Variants in PDE8A observed in about 807,000 individuals in gnomAD.
PDE8A encodes high affinity cAMP-specific and IBMX-insensitive 3',5'-cyclic phosphodiesterase 8A.
PDE8A carries 59 observed loss-of-function variants against 105.0 expected under a neutral mutation model. The observed-to-expected ratio is 0.56, with a 90% CI of 0.46 to 0.70. The LOEUF is 0.70. Among genes scored for constraint, PDE8A ranks in the 30% least tolerant of loss-of-function variants. PDE8A has a pLI of 0.00. For synonymous variants in PDE8A, 355 were observed against 371.9 expected, an observed-to-expected ratio of 0.95 and a Z score of 0.52; for missense variants, 1,014 against 1,045.9, an observed-to-expected ratio of 0.97 and a Z score of 0.42.
intron 18 of PDE8A, 32 bp downstream of exon 18, chr15:85,121,046 CCTCT>C (rs748413631): frequency 1.5e-6 from 2 of 1,345,520 alleles, no homozygotes; most frequent in South Asian, 1.3e-5. Context: ...TGTGTTGATC[CCTCT>C]CTTTCTTTTT....
intron 6 of PDE8A, among the ~76,000 whole-genome samples, chr15:85,088,023 G>A (rs1459075937): frequency 6.6e-6 from 1 of 152,152 alleles, no homozygotes; most frequent in African/African-American, 2.4e-5. Context: ...TTGTGCTTCA[G>A]TCATCACAAT....
intron 5 of PDE8A, among the ~76,000 whole-genome samples, chr15:85,079,130 T>G (rs148428043): frequency 6.6e-6 from 1 of 152,340 alleles, no homozygotes; most frequent in East Asian, 1.9e-4. Flanking sequence ...CCCACACTTA[T>G]GCATATATGT....
intron 19 of PDE8A, 55 bp from the exon 20 acceptor site, chr15:85,126,152 G>T (rs1014089556): frequency 7.5e-7 from 1 of 1,339,374 alleles, no homozygotes; most frequent in East Asian, 2.4e-5. Flanking sequence ...CAGTAAGAGA[G>T]GGCTTGGCAC....
chr15:85,027,114 G>A lies in PDE8A; in HGVS notation c.187-37256G>A, dbSNP rs557009568. On this transcript the variant is annotated intron_variant, in intron 1 of 21. Coordinates refer to ENST00000394553, the MANE Select transcript of PDE8A (RefSeq NM_002605.3). ...GCCTGTAAGAACAAAAAGTCCTTTG[G>A]GACCTGTTTTCTTTGCCCTCCAGGA... Among the ~76,000 whole-genome samples the A allele has an allele frequency of 3.3e-5, 5 of 152,222 alleles. No homozygotes were observed. The East Asian group carries it at 9.7e-4, about 29-fold the overall frequency.
chr15:85,004,289 A>C (rs376637988), intron 1 of PDE8A, among the ~76,000 whole-genome samples: 4 of 152,158 alleles, frequency 2.6e-5, no homozygotes, highest in Non-Finnish European at 5.9e-5. Flanking sequence ...TGGTTCAGTA[A>C]TAGATACATA....
intron 1 of PDE8A, among the ~76,000 whole-genome samples, chr15:85,060,184 G>A (rs2081121800): frequency 6.6e-6 from 1 of 151,896 alleles, no homozygotes; most frequent in Admixed American, 6.6e-5. Flanking sequence ...TTCCCTTTGT[G>A]TATATTCTGT....
At chr15:85,088,460 G>A (rs1028546159) in intron 6 of PDE8A, among the ~76,000 whole-genome samples, 2 of 152,236 alleles carry the variant, frequency 1.3e-5, no homozygotes, top group African/African-American at 2.4e-5. Context: ...TTTTATGTCT[G>A]CATAATATTC....
In PDE8A at chr15:85,120,627, T is replaced by A; in HGVS notation, c.1735-170T>A. The A allele has an allele frequency of 5.4e-6, 3 of 558,718 alleles. No individual in the cohort carries two copies. In the South Asian group the frequency reaches 7.6e-5, roughly 14 times the overall value. 34.6% of individuals were successfully genotyped at this position (558,718 alleles called of 1,614,324 possible). A position where few individuals can be genotyped will look rare whatever the true frequency, so the allele number is the denominator to read the frequency against. On this transcript the variant is annotated intron_variant, in intron 17 of 21. Transcript: ENST00000394553. ...TGAGACTAACAAATATGCAGAAATATAACTGTTTCAGGGTGGAGATAGGAA... is the reference window on the plus strand; with the variant it reads ...TGAGACTAACAAATATGCAGAAATAAAACTGTTTCAGGGTGGAGATAGGAA...
intron 1 of PDE8A, among the ~76,000 whole-genome samples, chr15:85,029,988 C>G (rs555555388): frequency 5.9e-5 from 9 of 152,276 alleles, no homozygotes; most frequent in Non-Finnish European, 8.8e-5. Context: ...TGCGTCTGCT[C>G]TGTTCTAAAG....
At chr15:85,133,861 T>C (rs566579089) in intron 20 of PDE8A, among the ~76,000 whole-genome samples, 16 of 152,348 alleles carry the variant, frequency 1.1e-4, no homozygotes, top group Admixed American at 3.3e-4. Context: ...CTGGTTTGTC[T>C]CTGGCTGGGG....
chr15:85,037,706 G>A (rs1464179015), intron 1 of PDE8A, among the ~76,000 whole-genome samples: 1 of 152,152 alleles, frequency 6.6e-6, no homozygotes, highest in Non-Finnish European at 1.5e-5. Flanking sequence ...GACTGGTGTG[G>A]CTGTGTTCTT....
chr15:85,092,498 C>G (rs1596510128), intron 8 of PDE8A, among the ~76,000 whole-genome samples: 1 of 151,930 alleles, frequency 6.6e-6, no homozygotes, highest in Non-Finnish European at 1.5e-5. Flanking sequence ...AGAAGGAGGC[C>G]ACAGAGCAGC....
At chr15:85,104,377 G>A (rs201649738) in intron 11 of PDE8A, among the ~76,000 whole-genome samples, 2 of 152,138 alleles carry the variant, frequency 1.3e-5, no homozygotes, top group East Asian at 1.9e-4. Flanking sequence ...ATCGCGAAGC[G>A]AGGCTGGGGC....
At chr15:85,089,556 C>A in intron 7 of PDE8A, 140 bp downstream of exon 7, 1 of 536,196 alleles carries the variant, frequency 1.9e-6, no homozygotes, top group Non-Finnish European at 3.3e-6. Flanking sequence ...ATTATCAGAA[C>A]AAAATCAAAT....
chr15:85,065,274 A>T (rs575175268), intron 2 of PDE8A, among the ~76,000 whole-genome samples: 1 of 144,862 alleles, frequency 6.9e-6, no homozygotes, highest in East Asian at 2.1e-4. Context: ...CAACCAATTG[A>T]TGAACAATGA....
At chr15:85,033,866 A>G (rs941426059) in intron 1 of PDE8A, among the ~76,000 whole-genome samples, 1 of 152,226 alleles carries the variant, frequency 6.6e-6, no homozygotes, top group African/African-American at 2.4e-5. Flanking sequence ...CGTGGTCTCA[A>G]AAAAAGAAAA....
chr15:85,058,081 A>G (rs1340430105), intron 1 of PDE8A, among the ~76,000 whole-genome samples: 1 of 151,992 alleles, frequency 6.6e-6, no homozygotes, highest in Non-Finnish European at 1.5e-5. Context: ...ATGCAGTGGC[A>G]TGATTGTTTT....
At chr15:85,068,748 A>G (rs2081269225) in intron 3 of PDE8A, among the ~76,000 whole-genome samples, 2 of 152,158 alleles carry the variant, frequency 1.3e-5, no homozygotes, top group Non-Finnish European at 2.9e-5. Context: ...CCTCTTTCCT[A>G]GTCTTGTCCA....
intron 1 of PDE8A, among the ~76,000 whole-genome samples, chr15:85,005,344 G>A (rs553719941): frequency 6.6e-6 from 1 of 152,162 alleles, no homozygotes; most frequent in East Asian, 1.9e-4. Flanking sequence ...TTGAACTCCC[G>A]GACTCAAGCA....
Sources: allele counts gnomAD v4.1 joint callset (sites outside exome capture counted in the v4.1 genomes callset), GRCh38; gene constraint gnomAD v4.1.1; transcripts MANE v1.5; gene names NCBI Gene and HGNC (gene_info 2026-07-23, HGNC 2026-07-21).